Variants in ZEB1 observed in about 807,000 individuals in gnomAD.
ZEB1 encodes zinc finger E-box-binding homeobox 1.
A neutral mutation model predicts 84.9 loss-of-function variants in ZEB1; 21 were observed. That is an observed-to-expected ratio of 0.25 (90% CI 0.18 to 0.36). ZEB1 has a LOEUF of 0.36. Among genes scored for constraint, ZEB1 ranks in the 10% least tolerant of loss-of-function variants. ZEB1 has a pLI of 1.00. For missense variants in ZEB1, 1,104 were observed against 1,330.2 expected, an observed-to-expected ratio of 0.83 and a Z score of 2.65; for synonymous variants, 420 against 471.1, an observed-to-expected ratio of 0.89 and a Z score of 1.41.
At chr10:31,328,499 T>C (rs951642939) in intron 1 of ZEB1, among the ~76,000 whole-genome samples, 1 of 152,190 alleles carries the variant, frequency 6.6e-6, no homozygotes, top group Non-Finnish European at 1.5e-5. Context: ...TTTTTTATCC[T>C]TTTGACCAGT....
Position 31,440,676 on chromosome 10 carries a change from A to C in ZEB1, c.59-20361A>C, listed in dbSNP as rs545865158. On this transcript the variant is annotated intron_variant, in intron 1 of 8. Coordinates refer to ENST00000424869, the MANE Select transcript of ZEB1 (RefSeq NM_001174096.2). ...GAAAACCCCATTGTCTCAGCCCAAA[A>C]TCTCCTTAAGCTGATAAGCAACTTC... Among the ~76,000 whole-genome samples the C allele has an allele frequency of 9.9e-4, 151 of 152,316 alleles. 2 individuals are homozygous for C. The highest frequency in any genetic ancestry group is 8.5e-3 in the Admixed American group (130 of 15,302).
At chr10:31,452,998 T>C (rs1282652098) in intron 1 of ZEB1, among the ~76,000 whole-genome samples, 2 of 152,170 alleles carry the variant, frequency 1.3e-5, no homozygotes, top group Non-Finnish European at 2.9e-5. Context: ...TCTTAAATTA[T>C]GACAATATGC....
At chr10:31,465,634 A>C (rs1196615859) in intron 2 of ZEB1, among the ~76,000 whole-genome samples, 1 of 152,154 alleles carries the variant, frequency 6.6e-6, no homozygotes, top group Non-Finnish European at 1.5e-5. Context: ...TTTAATACAG[A>C]GATAGGGCCT....
rs2073789993 is a variant in ZEB1, at chr10:31,528,058, T to C, written c.*794T>C. On this transcript the variant is annotated 3_prime_UTR_variant, in exon 9 of 9. Coordinates refer to ENST00000424869, the MANE Select transcript of ZEB1 (RefSeq NM_001174096.2). ...AAATCATCAGAATCAGTGTTTGTGA[T>C]TGTGTTTGAATATGTGGTAACATAT... The C allele has an allele frequency of 1.3e-5, 2 of 152,312 alleles. No homozygotes were observed. The highest frequency in any genetic ancestry group is 2.9e-5 in the Non-Finnish European group (2 of 68,034). 9.4% of individuals were successfully genotyped at this position (152,312 alleles called of 1,614,324 possible).
Position 31,520,458 on chromosome 10 carries a change from T to C in ZEB1, c.1126T>C (p.Phe376Leu), listed in dbSNP as rs752196975. The C allele has an allele frequency of 2.5e-6, 4 of 1,614,058 alleles. No homozygotes were observed. Residue 376 changes from phenylalanine (F) to leucine (L), a missense_variant, in exon 7 of 9, where the codon TTC becomes CTC. Physicochemically the swap from Phe to Leu is conservative, Grantham distance 22 (BLOSUM62 0). This residue lies in a region of ZEB1 where 111 missense variants were observed against 161.8 expected (regional missense o/e 0.69). Coordinates refer to ENST00000424869, the MANE Select transcript of ZEB1 (RefSeq NM_001174096.2). This position sits in a 1 kb window ranked among gnomAD's most constrained non-coding sequence, Gnocchi z 5.1. ...NCSTPLQNGVFTGGGPLQATS... is the reference protein window; with the variant it reads ...NCSTPLQNGVLTGGGPLQATS... ...TTCAACCCCTTTACAAAATGGGGTT[T>C]TCACTGGTGGTGGCCCATTACAGGC...
rs77159561 is a variant in ZEB1 at position 31,421,720 on chromosome 10, T to G, written c.59-39317T>G. Among the ~76,000 whole-genome samples, 3 of 152,294 alleles carry G rather than the reference T, an allele frequency of 2.0e-5. No homozygotes were observed. In the East Asian group the frequency reaches 5.8e-4, roughly 29 times the overall value. ...AAAGTCAATCCTTCTTTTCTCTTTGTTCTCTACCTGGATTGAAGTTGTTTC... is the reference window on the plus strand; with the variant it reads ...AAAGTCAATCCTTCTTTTCTCTTTGGTCTCTACCTGGATTGAAGTTGTTTC... On this transcript the variant is annotated intron_variant, in intron 1 of 8. Coordinates refer to ENST00000424869, the MANE Select transcript of ZEB1 (RefSeq NM_001174096.2).
intron 1 of ZEB1, among the ~76,000 whole-genome samples, chr10:31,414,216 T>G (rs764560804): frequency 2.6e-5 from 4 of 152,254 alleles, no homozygotes; most frequent in Non-Finnish European, 4.4e-5. Context: ...ACATAGTGCA[T>G]GGCACATAAT....
intron 1 of ZEB1, among the ~76,000 whole-genome samples, chr10:31,404,170 A>G (rs2052555571): frequency 6.6e-6 from 1 of 152,110 alleles, no homozygotes; most frequent in East Asian, 1.9e-4. Context: ...AAGATTATAT[A>G]TCAGTATAAT....
rs759615272 is a variant in ZEB1, at chr10:31,521,878, C to T, written c.2546C>T (p.Thr849Met). The change falls in exon 7 of 9, where the codon ACG (threonine) becomes ATG (methionine). Residue 849 changes from threonine (T) to methionine (M), a missense_variant. Coordinates refer to ENST00000424869, the MANE Select transcript of ZEB1 (RefSeq NM_001174096.2). ...IPQVAYTYSTTVSPAVQEPPL... is the reference protein window; with the variant it reads ...IPQVAYTYSTMVSPAVQEPPL... ...CAGGTGGCATACACCTACTCAACTACGGTCAGCCCTGCAGTCCAAGAACCA... is the reference window on the plus strand; with the variant it reads ...CAGGTGGCATACACCTACTCAACTATGGTCAGCCCTGCAGTCCAAGAACCA... The T allele has an allele frequency of 1.2e-5, 20 of 1,613,916 alleles. No individual in the cohort carries two copies. In the East Asian group the frequency reaches 1.8e-4, roughly 14 times the overall value.
At position 31,520,660 on chromosome 10, in the gene ZEB1, A is replaced by G. The variant is rs2072117399; in HGVS notation, c.1328A>G (p.Glu443Gly). 6.2e-7 allele frequency: 1 copy of G among 1,614,078 alleles called. No homozygotes were observed. Among genetic ancestry groups the G allele is most frequent in the Admixed American group, 1.7e-5 (1 of 59,992 alleles). Reference protein sequence around the residue: ...NQANLASKEQETINASPIQQG... With the variant: ...NQANLASKEQGTINASPIQQG... ...GCCAATCTTGCATCCAAAGAACAAG[A>G]AACAATCAATGCTTCACCCATACAA... Residue 443 changes from glutamate to glycine, a missense_variant, in exon 7 of 9, where the codon GAA (glutamate) becomes GGA (glycine). Physicochemically the swap from Glu to Gly is moderately conservative, Grantham distance 98. Coordinates refer to ENST00000424869, the MANE Select transcript of ZEB1 (RefSeq NM_001174096.2). This position sits in a 1 kb window ranked among gnomAD's most constrained non-coding sequence, Gnocchi z 5.1.
At chr10:31,471,403 G>A (rs1235340416) in intron 2 of ZEB1, among the ~76,000 whole-genome samples, 1 of 150,900 alleles carries the variant, frequency 6.6e-6, no homozygotes, top group Non-Finnish European at 1.5e-5. Flanking sequence ...AAAAAGGCAG[G>A]GGTTGCAATC....
chr10:31,337,683 G>GTTTTTTTTTTTTT (rs756379165), intron 1 of ZEB1, among the ~76,000 whole-genome samples: 1 of 98,842 alleles, frequency 1.0e-5, no homozygotes, highest in Non-Finnish European at 2.0e-5. Context: ...ATTTCTTTCT[G>GTTTTTTTTTTTTT]TTTTTTTTTT....
intron 1 of ZEB1, among the ~76,000 whole-genome samples, chr10:31,451,560 T>G (rs193138615): frequency 3.9e-5 from 6 of 152,350 alleles, no homozygotes; most frequent in African/African-American, 1.4e-4. Context: ...AGACTTTACT[T>G]ATGAAGGAAA....
At chr10:31,398,266 G>A (rs1281573955) in intron 1 of ZEB1, among the ~76,000 whole-genome samples, 1 of 151,860 alleles carries the variant, frequency 6.6e-6, no homozygotes, top group African/African-American at 2.4e-5. Context: ...CTATTCATTG[G>A]TTTATTCAAC....
intron 1 of ZEB1, among the ~76,000 whole-genome samples, chr10:31,386,355 T>C (rs2048637167): frequency 6.6e-6 from 1 of 151,762 alleles, no homozygotes; most frequent in South Asian, 2.1e-4. Flanking sequence ...AGTTATTTAA[T>C]ATATAATTAA....
At chr10:31,359,025 C>T (rs369401509) in intron 1 of ZEB1, among the ~76,000 whole-genome samples, 1 of 151,570 alleles carries the variant, frequency 6.6e-6, no homozygotes, top group Non-Finnish European at 1.5e-5. Flanking sequence ...CTTCTTGTGT[C>T]GTTTTGCCCC....
In ZEB1 at chr10:31,493,118, C is replaced by T. The variant is rs138491532; in HGVS notation, c.260-2658C>T. On this transcript the variant is annotated intron_variant, in intron 2 of 8. Transcript: ENST00000424869. ...TTCCCATTACATGTTCACCCCTGTC[C>T]CTCTACCTTGCCGCATTCCTTACCC... 9.1e-3 allele frequency among the ~76,000 whole-genome samples: 1,387 copies of T among 152,024 alleles called. 7 individuals are homozygous for T. The highest frequency in any genetic ancestry group is 0.014 in the Non-Finnish European group (946 of 67,926).
chr10:31,376,219 A>T (rs2046597588), intron 1 of ZEB1, among the ~76,000 whole-genome samples: 1 of 151,772 alleles, frequency 6.6e-6, no homozygotes, highest in Non-Finnish European at 1.5e-5. Context: ...TAAGCAAGTA[A>T]TTACAATAAA....
intron 1 of ZEB1, among the ~76,000 whole-genome samples, chr10:31,443,027 A>G (rs72639510): frequency 0.1 from 15,380 of 152,198 alleles, 2,289 homozygotes; most frequent in African/African-American, 0.33. Context: ...AAGGTAAGAG[A>G]TTAGCCAGCA....
Sources: gnomAD v4.1 joint callset for allele counts (sites outside exome capture counted in the v4.1 genomes callset) on GRCh38, gnomAD v4.1.1 for gene constraint, gnomAD v4.1.1 regional missense constraint, Gnocchi (gnomAD v3.1) non-coding constraint, MANE v1.5 for transcripts, NCBI Gene and HGNC (gene_info 2026-07-23, HGNC 2026-07-21) for gene names.